Variants in PACS1 observed in about 807,000 individuals in gnomAD.
PACS1 encodes the protein phosphofurin acidic cluster sorting protein 1, also known as PACS-1.
Under a neutral mutation model 115.0 loss-of-function variants are expected in PACS1, and 24 were observed. The ratio of observed to expected loss-of-function variants is 0.21; its 90% CI spans 0.15 to 0.29. The LOEUF is 0.29. PACS1 is among the 10% of genes least tolerant of loss of function. The pLI, the probability that PACS1 is intolerant of heterozygous loss-of-function variation, is 1.00. For synonymous variants in PACS1, 453 were observed against 504.5 expected, an observed-to-expected ratio of 0.90 and a Z score of 1.37; for missense variants, 838 against 1,251.2, an observed-to-expected ratio of 0.67 and a Z score of 4.98.
At chr11:66,206,061 T>G (rs1854931129) in intron 2 of PACS1, among the ~76,000 whole-genome samples, 1 of 152,128 alleles carries the variant, frequency 6.6e-6, no homozygotes. Context: ...GGCAGGAGAA[T>G]CGCTTGAGCC....
chr11:66,088,046 C>A (rs1291006089), intron 1 of PACS1, among the ~76,000 whole-genome samples: 2 of 152,116 alleles, frequency 1.3e-5, no homozygotes, highest in Non-Finnish European at 2.9e-5. Context: ...TATGAACTGT[C>A]TGTTCAGGTT....
chr11:66,213,706 T>A lies in PACS1; in HGVS notation c.661-2413T>A, dbSNP rs140701802. Among the ~76,000 whole-genome samples, 110 of 152,356 alleles carry A rather than the reference T, an allele frequency of 7.2e-4. 1 individual carries two copies. The East Asian group carries it at 0.021, about 29-fold the overall frequency. On this transcript the variant is annotated intron_variant, in intron 4 of 23. Coordinates refer to ENST00000320580, the MANE Select transcript of PACS1 (RefSeq NM_018026.4). ...AATGCCTTTTTATAGCTTTTCTTTC[T>A]CCATGTTTCTAATTCCCTTTTGGAA...
At chr11:66,148,456 A>C (rs1419428601) in intron 1 of PACS1, among the ~76,000 whole-genome samples, 1 of 152,200 alleles carries the variant, frequency 6.6e-6, no homozygotes, top group Non-Finnish European at 1.5e-5. Flanking sequence ...TGCCATTAAA[A>C]ATTTAAATGT....
chr11:66,174,202 A>G (rs1166846515), intron 1 of PACS1, among the ~76,000 whole-genome samples: 1 of 152,216 alleles, frequency 6.6e-6, no homozygotes, highest in African/African-American at 2.4e-5. Context: ...AAATAAAATA[A>G]CAAAAAAATC....
At chr11:66,218,841 A>G (rs1302507173) in intron 7 of PACS1, 1 of 150,768 alleles carries the variant, frequency 6.6e-6, no homozygotes, top group African/African-American at 2.4e-5. Context: ...GCCTGGCAAC[A>G]GAGCAAGACT....
chr11:66,109,790 C>T (rs755953716), intron 1 of PACS1, among the ~76,000 whole-genome samples: 1 of 152,190 alleles, frequency 6.6e-6, no homozygotes, highest in Non-Finnish European at 1.5e-5. Context: ...CTCATCTCCT[C>T]GCTTTCTACA....
Position 66,241,512 on chromosome 11 carries a change from G to T in PACS1, c.2515G>T (p.Asp839Tyr). The change falls in exon 22 of 24, where the codon GAC becomes TAC. Residue 839 changes from aspartate (D) to tyrosine (Y), a missense_variant. Asp to Tyr is a radical substitution (Grantham distance 160, BLOSUM62 -3). Coordinates refer to ENST00000320580, the MANE Select transcript of PACS1 (RefSeq NM_018026.4). The part of the protein sequence containing the change: ...GHPGERRREG[D>Y]KRDASSKNTL... Reference sequence around the variant, plus strand: ...CCCCGGGGAGCGGAGGAGGGAAGGCGACAAGAGGGACGCCAGCTCGAAGAA... The same window carrying T: ...CCCCGGGGAGCGGAGGAGGGAAGGCTACAAGAGGGACGCCAGCTCGAAGAA... 6.2e-7 allele frequency: 1 copy of T among 1,614,060 alleles called. No individual in the cohort carries two copies.
chr11:66,095,933 T>C (rs1050801099), intron 1 of PACS1, among the ~76,000 whole-genome samples: 17 of 145,980 alleles, frequency 1.2e-4, no homozygotes, highest in Non-Finnish European at 1.4e-4. Context: ...TAATTTCTTC[T>C]TTTTTTTTTT....
Position 66,239,238 on chromosome 11 carries a change from C to A in PACS1, c.2390C>A (p.Pro797His). ...GLSRDATATP[P>H]SSPSMSSALA... ...AGCCGAGACGCCACGGCCACCCCTCCCTCCTCCCCATCTATGAGCAGCGCC... is the reference window on the plus strand; with the variant it reads ...AGCCGAGACGCCACGGCCACCCCTCACTCCTCCCCATCTATGAGCAGCGCC... The change falls in exon 21 of 24, where the codon CCC becomes CAC. Residue 797 changes from proline to histidine, a missense_variant. Physicochemically the swap from Pro to His is moderately conservative, Grantham distance 77. Around this residue, in one of 6 missense-constraint regions of PACS1, gnomAD observed 383 missense variants for 537.0 expected, o/e 0.71. Transcript: ENST00000320580. 1 of 1,613,796 alleles carries A rather than the reference C, an allele frequency of 6.2e-7. No individual in the cohort carries two copies. Among genetic ancestry groups the A allele is most frequent in the Non-Finnish European group, 8.5e-7 (1 of 1,179,994 alleles).
Position 66,243,948 on chromosome 11 carries a change from T to TC in PACS1, c.*674dup, listed in dbSNP as rs1034521479. 1 of 152,140 alleles carries TC rather than the reference T, an allele frequency of 6.6e-6. No homozygotes were observed. Among genetic ancestry groups the TC allele is most frequent in the Non-Finnish European group, 1.5e-5 (1 of 68,106 alleles). The allele number at this position is 152,140 out of a possible 1,614,324, so 9.4% of individuals were successfully genotyped here. ...TCTAGGACAGAGGGGCCTCCCAGTC[T>TC]CCCCCCACCACCCGTGCACGACTTC... On this transcript the variant is annotated 3_prime_UTR_variant, in exon 24 of 24. Transcript: ENST00000320580.
chr11:66,095,853 T>C (rs146090107), intron 1 of PACS1, among the ~76,000 whole-genome samples: 151 of 152,352 alleles, frequency 9.9e-4, no homozygotes, highest in Non-Finnish European at 1.7e-3. Context: ...TTAGGTATTA[T>C]CTGGTGAATT....
rs1274837645 is a variant in PACS1 at position 66,242,687 on chromosome 11, C to T, written c.2657-225C>T. Among the ~76,000 whole-genome samples the T allele has an allele frequency of 3.9e-5, 6 of 152,158 alleles. No homozygotes were observed. The South Asian group carries it at 6.2e-4, about 16-fold the overall frequency. ...GTCTTCACTGAACAGGCGAAGATAT[C>T]GAGCCCCAGGGGGAGAAGTGGGACC... On this transcript the variant is annotated intron_variant, in intron 22 of 23. Coordinates refer to ENST00000320580, the MANE Select transcript of PACS1 (RefSeq NM_018026.4).
At chr11:66,173,939 C>G (rs1321798597) in intron 1 of PACS1, among the ~76,000 whole-genome samples, 3 of 152,036 alleles carry the variant, frequency 2.0e-5, no homozygotes, top group Non-Finnish European at 4.4e-5. Flanking sequence ...GTAATCCCAG[C>G]TACTCAGGAA....
chr11:66,153,729 C>T (rs1438709451), intron 1 of PACS1, among the ~76,000 whole-genome samples: 3 of 151,904 alleles, frequency 2.0e-5, no homozygotes, highest in Non-Finnish European at 4.4e-5. Flanking sequence ...TGCAGTGAGC[C>T]GAGATGGTGC....
At chr11:66,113,736 G>A (rs1858238293) in intron 1 of PACS1, among the ~76,000 whole-genome samples, 1 of 152,258 alleles carries the variant, frequency 6.6e-6, no homozygotes, top group Admixed American at 6.5e-5. Flanking sequence ...TTGATGAATA[G>A]TTGACTGTCT....
chr11:66,213,861 A>G (rs1009564615), intron 4 of PACS1, among the ~76,000 whole-genome samples: 1 of 151,862 alleles, frequency 6.6e-6, no homozygotes, highest in Non-Finnish European at 1.5e-5. Flanking sequence ...GTGAAACCCC[A>G]TCTCTACTAA....
At chr11:66,166,903 G>A (rs1341139432) in intron 1 of PACS1, among the ~76,000 whole-genome samples, 3 of 150,318 alleles carry the variant, frequency 2.0e-5, no homozygotes, top group Non-Finnish European at 4.4e-5. Context: ...AGAGACATAG[G>A]AAGATGAGTA....
chr11:66,235,819 G>T lies in PACS1; in HGVS notation c.2208-79G>T. On this transcript the variant is annotated intron_variant, in intron 18 of 23. Coordinates refer to ENST00000320580, the MANE Select transcript of PACS1 (RefSeq NM_018026.4). The surrounding 1 kb of genome is among the most constrained non-coding windows in gnomAD (Gnocchi z 5.6). ...TCCTGGACTCTGCTGCAGCCACAGT[G>T]AGATAGGAAAGGCCAATTCCCCAGC... The T allele has an allele frequency of 8.3e-7, 1 of 1,202,048 alleles. No individual in the cohort carries two copies. The highest frequency in any genetic ancestry group is 1.2e-5 in the South Asian group (1 of 82,778). The allele number at this position is 1,202,048 out of a possible 1,614,324, so 74.5% of individuals were successfully genotyped here. A position where few individuals can be genotyped will look rare whatever the true frequency, so the allele number is the denominator to read the frequency against.
intron 11 of PACS1, 24 bp from the exon 12 acceptor site, chr11:66,230,524 A>G (rs1013788779): frequency 1.3e-6 from 2 of 1,565,320 alleles, no homozygotes; most frequent in Non-Finnish European, 1.8e-6. Flanking sequence ...GGTCATCTTC[A>G]CTGTTTCCTC....
Sources: gnomAD v4.1 joint callset for allele counts (sites outside exome capture counted in the v4.1 genomes callset) on GRCh38, gnomAD v4.1.1 for gene constraint, gnomAD v4.1.1 regional missense constraint, Gnocchi (gnomAD v3.1) non-coding constraint, MANE v1.5 for transcripts, NCBI Gene and HGNC (gene_info 2026-07-23, HGNC 2026-07-21) for gene names.